Variants in DLGAP4 observed in about 807,000 individuals in gnomAD.
The protein encoded by DLGAP4 is disks large-associated protein 4.
Under a neutral mutation model 86.9 loss-of-function variants are expected in DLGAP4, and 18 were observed. The ratio of observed to expected loss-of-function variants is 0.21; its 90% confidence interval spans 0.14 to 0.31. The LOEUF is 0.31. Ranked by LOEUF, DLGAP4 falls within the 10% of genes least tolerant of loss-of-function variation. DLGAP4 has a pLI of 1.00. For synonymous variants in DLGAP4, 548 were observed against 574.3 expected, an observed-to-expected ratio of 0.95 and a Z score of 0.65; for missense variants, 1,085 against 1,362.6, an observed-to-expected ratio of 0.80 and a Z score of 3.21.
At chr20:36,486,454 G>C (rs190322215) in intron 7 of DLGAP4, among the ~76,000 whole-genome samples, 71 of 152,208 alleles carry the variant, frequency 4.7e-4, no homozygotes, top group Non-Finnish European at 7.9e-4. Flanking sequence ...GTTTCAGACA[G>C]GGCATGGCAG....
At chr20:36,499,454 G>A (rs1001031797) in intron 8 of DLGAP4, 134 bp from the exon 9 acceptor site, 11 of 1,340,530 alleles carry the variant, frequency 8.2e-6, no homozygotes, top group South Asian at 5.1e-5. Context: ...TGCAGTGTCC[G>A]CATGCCTCGT....
intron 8 of DLGAP4, chr20:36,497,670 A>G: frequency 4.1e-6 from 4 of 981,314 alleles, no homozygotes; most frequent in Non-Finnish European, 4.8e-6. Context: ...GCCTCCCTCC[A>G]TGGGATAGGG....
intron 11 of DLGAP4, among the ~76,000 whole-genome samples, chr20:36,525,301 C>G (rs2037676344): frequency 6.9e-6 from 1 of 145,162 alleles, no homozygotes; most frequent in Admixed American, 6.9e-5. Flanking sequence ...TTCTCCCTCC[C>G]TCTTACCTGT....
rs2033482947 is a variant in DLGAP4 at position 36,442,710 on chromosome 20, C to T, written c.1357-17C>T. 6.2e-7 allele frequency: 1 copy of T among 1,614,112 alleles called. No homozygotes were observed. Among genetic ancestry groups the T allele is most frequent in the South Asian group, 1.1e-5 (1 of 91,084 alleles). On this transcript the variant is annotated splice_polypyrimidine_tract_variant and intron_variant, in intron 5 of 12. Transcript: ENST00000339266. The stretch of plus-strand genomic sequence containing the variant: ...AGCCCTGGTCCTTCCATAACCCTCA[C>T]CCTCTCTTTCCTGCAGATTTTTGGA...
At chr20:36,401,325 C>G (rs775339909) in intron 2 of DLGAP4, among the ~76,000 whole-genome samples, 135 of 152,216 alleles carry the variant, frequency 8.9e-4, no homozygotes, top group Non-Finnish European at 1.7e-3. Context: ...CAAGCAGTCC[C>G]GGGCAGAATA....
chr20:36,484,142 TTTTG>T (rs1023613518), intron 7 of DLGAP4, among the ~76,000 whole-genome samples: 6 of 152,312 alleles, frequency 3.9e-5, no homozygotes, highest in African/African-American at 1.2e-4. Flanking sequence ...CTCAGGGGTT[TTTTG>T]TTTGTTTATT....
chr20:36,468,294 A>G (rs973738928), intron 7 of DLGAP4, among the ~76,000 whole-genome samples: 3 of 152,232 alleles, frequency 2.0e-5, no homozygotes, highest in East Asian at 3.8e-4. Context: ...GGCCCAGCCA[A>G]CGCAATCAGT....
At chr20:36,341,984 G>A (rs2065388053) in intron 1 of DLGAP4, among the ~76,000 whole-genome samples, 1 of 152,214 alleles carries the variant, frequency 6.6e-6, no homozygotes, top group African/African-American at 2.4e-5. Flanking sequence ...TGAAGAGTGG[G>A]AACAGCAGCA....
Position 36,439,720 on chromosome 20 carries a change from G to A in DLGAP4, c.1242-34G>A, listed in dbSNP as rs1190332084. ...CCAAAAGCTGGGTGAACAATGGGTG[G>A]GCTGAGCCCTGTCTGCTCCCCACTC... On this transcript the variant is annotated intron_variant, in intron 4 of 12. Coordinates refer to ENST00000339266, the MANE Select transcript of DLGAP4 (RefSeq NM_001365621.2). 3 of 1,583,706 alleles carry A rather than the reference G, an allele frequency of 1.9e-6. No homozygotes were observed. The South Asian group carries it at 3.4e-5, about 18-fold the overall frequency.
chr20:36,388,701 C>A (rs1039740437), intron 2 of DLGAP4, among the ~76,000 whole-genome samples: 2 of 152,204 alleles, frequency 1.3e-5, no homozygotes, highest in Non-Finnish European at 2.9e-5. Flanking sequence ...GGGTAATAGA[C>A]CCTCTACCTC....
rs764666736 is a variant in DLGAP4, at chr20:36,431,778, G to A, written c.61G>A (p.Glu21Lys). The A allele has an allele frequency of 6.2e-7, 1 of 1,612,480 alleles. No individual in the cohort carries two copies. The highest frequency in any genetic ancestry group is 1.1e-5 in the South Asian group (1 of 90,938). ...CTCCGACAGCCTAGACCCACCCCAC[G>A]AGCCCCTGTTTGCAGGGACCGACCG... ...HLSDSLDPPH[E>K]PLFAGTDRNP... is the part of the protein sequence containing the mutation. The change falls in exon 3 of 13, where the codon GAG (glutamate) becomes AAG (lysine). Residue 21 changes from glutamate (E) to lysine (K), a missense_variant. Around this residue, in one of 2 missense-constraint regions of DLGAP4, gnomAD observed 1,082 missense variants for 1,344.1 expected, o/e 0.81. Coordinates refer to ENST00000339266, the MANE Select transcript of DLGAP4 (RefSeq NM_001365621.2). The surrounding 1 kb of genome is among the most constrained non-coding windows in gnomAD (Gnocchi z 5.1).
In DLGAP4 at chr20:36,383,997, A is replaced by G. The variant is rs573376118; in HGVS notation, c.-73+16722A>G. 3.6e-4 allele frequency among the ~76,000 whole-genome samples: 54 copies of G among 152,044 alleles called. 1 individual carries two copies. Among genetic ancestry groups the G allele is most frequent in the South Asian group, 2.7e-3 (13 of 4,826 alleles). On this transcript the variant is annotated intron_variant, in intron 2 of 12. Transcript: ENST00000339266. ...AGACTCCGTCTCAAAAAAAAAAAAA[A>G]AAAGAAAGAAAAAGAAATAGACCTG...
chr20:36,521,251 A>G (rs6025018), intron 10 of DLGAP4, among the ~76,000 whole-genome samples: 79 of 152,306 alleles, frequency 5.2e-4, no homozygotes, highest in African/African-American at 1.9e-3. Context: ...GTGAGCCTCC[A>G]CGTTCATAAC....
At chr20:36,418,910 C>T (rs2032743406) in intron 2 of DLGAP4, among the ~76,000 whole-genome samples, 1 of 152,110 alleles carries the variant, frequency 6.6e-6, no homozygotes, top group African/African-American at 2.4e-5. Flanking sequence ...TTGAATGCAT[C>T]AGGATTATGG....
At chr20:36,320,355 A>G (rs1437887691) in intron 1 of DLGAP4, among the ~76,000 whole-genome samples, 2 of 150,160 alleles carry the variant, frequency 1.3e-5, no homozygotes, top group African/African-American at 4.9e-5. Context: ...TGCCTGGCCG[A>G]CATTCAAGGT....
At chr20:36,354,207 G>T (rs116224683) in intron 1 of DLGAP4, among the ~76,000 whole-genome samples, 1 of 152,058 alleles carries the variant, frequency 6.6e-6, no homozygotes, top group African/African-American at 2.4e-5. Flanking sequence ...CTTTCCCTGG[G>T]GTTCTCCTGG....
rs904734785 is a variant in DLGAP4, at chr20:36,500,095, G to A, written c.2100-104G>A. The stretch of plus-strand genomic sequence containing the variant: ...CGCATGGTGAGCAGATGATGCATCC[G>A]TTTCTCTGTCTCCCGTGTGTCCGGG... On this transcript the variant is annotated intron_variant, in intron 9 of 12. Transcript: ENST00000339266. The surrounding 1 kb of genome is among the most constrained non-coding windows in gnomAD (Gnocchi z 4.6). 10 of 1,315,222 alleles carry A rather than the reference G, an allele frequency of 7.6e-6. No homozygotes were observed. Among genetic ancestry groups the A allele is most frequent in the Admixed American group, 4.8e-5 (2 of 41,278 alleles). 81.5% of individuals were successfully genotyped at this position (1,315,222 alleles called of 1,614,324 possible). A position where few individuals can be genotyped will look rare whatever the true frequency, so the allele number is the denominator to read the frequency against.
intron 10 of DLGAP4, among the ~76,000 whole-genome samples, chr20:36,516,338 T>C (rs1026195811): frequency 3.9e-5 from 6 of 152,134 alleles, no homozygotes; most frequent in Non-Finnish European, 8.8e-5. Context: ...GTTGTAGGAT[T>C]CTAGTACTTC....
intron 2 of DLGAP4, among the ~76,000 whole-genome samples, chr20:36,424,741 T>TG (rs1326021667): frequency 1.3e-5 from 2 of 148,208 alleles, no homozygotes; most frequent in South Asian, 2.1e-4. Context: ...TTTGTTTGTT[T>TG]TTTTTTTTTT....
Sources: gnomAD v4.1 joint callset for allele counts (sites outside exome capture counted in the v4.1 genomes callset) on GRCh38, gnomAD v4.1.1 for gene constraint, gnomAD v4.1.1 regional missense constraint, Gnocchi (gnomAD v3.1) non-coding constraint, MANE v1.5 for transcripts, NCBI Gene and HGNC (gene_info 2026-07-23, HGNC 2026-07-21) for gene names.